Variants in OR6N1 observed in about 807,000 individuals in gnomAD.
The protein encoded by OR6N1 is olfactory receptor 6N1.
For synonymous variants in OR6N1, 170 were observed against 150.7 expected (o/e 1.13, Z -0.94); for missense variants, 394 against 371.7 (o/e 1.06, Z -0.49).
the OR6N1 span, among the ~76,000 whole-genome samples, chr1:158,784,277 C>T: frequency 6.6e-6 from 1 of 152,122 alleles, no homozygotes; most frequent in Non-Finnish European, 1.5e-5. Context: ...ATCCATCTTT[C>T]TTTTGTTTTA....
At position 158,764,491 on chromosome 1, in the gene OR6N1, T is replaced by C. The variant is rs961682134; in HGVS notation, c.*1253A>G. 3.3e-5 allele frequency: 5 copies of C among 152,036 alleles called. No homozygotes were observed. The highest frequency in any genetic ancestry group is 7.4e-5 in the Non-Finnish European group (5 of 67,958). 9.4% of individuals were successfully genotyped at this position (152,036 alleles called of 1,614,324 possible). A position where few individuals can be genotyped will look rare whatever the true frequency, so the allele number is the denominator to read the frequency against. On this transcript the variant is annotated 3_prime_UTR_variant, in exon 2 of 2. Coordinates refer to ENST00000641846, the MANE Select transcript of OR6N1 (RefSeq NM_001005185.2). ...TAGAGTTGACACTGCATCTGATATATAGTAAGAGCTAAATAAACGTGTTAA... is the reference window on the plus strand; with the variant it reads ...TAGAGTTGACACTGCATCTGATATACAGTAAGAGCTAAATAAACGTGTTAA...
intron 1 of OR6N1, among the ~76,000 whole-genome samples, chr1:158,771,153 A>G (rs1330198803): frequency 1.3e-5 from 2 of 152,138 alleles, no homozygotes; most frequent in Non-Finnish European, 2.9e-5. Context: ...CAAGTCTGTC[A>G]TTTTTTTCCC....
chr1:158,781,967 G>A, the OR6N1 span, among the ~76,000 whole-genome samples: 1 of 152,298 alleles, frequency 6.6e-6, no homozygotes, highest in South Asian at 2.1e-4. Flanking sequence ...CATCACACAA[G>A]TGCTCTACAA....
intron 1 of OR6N1, among the ~76,000 whole-genome samples, chr1:158,769,825 T>C (rs1657370471): frequency 6.6e-6 from 1 of 152,242 alleles, no homozygotes; most frequent in South Asian, 2.1e-4. Flanking sequence ...TGATTTTGCT[T>C]CAGAATAATT....
chr1:158,816,344 G>T, the OR6N1 span, among the ~76,000 whole-genome samples: 8 of 152,114 alleles, frequency 5.3e-5, no homozygotes, highest in African/African-American at 1.9e-4. Context: ...TTAGAGAACT[G>T]TGGAGATCAT....
the OR6N1 span, chr1:158,777,580 C>T: frequency 6.2e-7 from 1 of 1,614,042 alleles, no homozygotes; most frequent in Admixed American, 1.7e-5. Context: ...ATAGCCCACA[C>T]TGGCAAAGCC....
upstream of OR6N1, chr1:158,776,857 A>G: frequency 6.2e-7 from 1 of 1,614,200 alleles, no homozygotes; most frequent in Non-Finnish European, 8.5e-7. Context: ...CTTTAGCCGC[A>G]CATACATGAA....
At chr1:158,768,321 G>T (rs1657329313) in intron 1 of OR6N1, among the ~76,000 whole-genome samples, 1 of 151,972 alleles carries the variant, frequency 6.6e-6, no homozygotes, top group African/African-American at 2.4e-5. Flanking sequence ...TCTCCTCTTG[G>T]GAGTCGAAGA....
At chr1:158,835,615 TGG>T in the OR6N1 span, among the ~76,000 whole-genome samples, 1 of 38,626 alleles carries the variant, frequency 2.6e-5, no homozygotes, top group Non-Finnish European at 4.8e-5. Flanking sequence ...CTATTTTTGG[TGG>T]GGGCGGGGGG....
At chr1:158,803,653 C>T in the OR6N1 span, among the ~76,000 whole-genome samples, 1 of 152,176 alleles carries the variant, frequency 6.6e-6, no homozygotes, top group Non-Finnish European at 1.5e-5. Context: ...TAACTGTATA[C>T]CTGTATGGCT....
the OR6N1 span, among the ~76,000 whole-genome samples, chr1:158,805,597 G>C: frequency 6.6e-6 from 1 of 152,074 alleles, no homozygotes; most frequent in Non-Finnish European, 1.5e-5. Flanking sequence ...TATCTGTTGA[G>C]AAGCTCTGCG....
At chr1:158,790,456 G>T in the OR6N1 span, among the ~76,000 whole-genome samples, 3 of 149,440 alleles carry the variant, frequency 2.0e-5, no homozygotes, top group Non-Finnish European at 4.4e-5. Flanking sequence ...GCTGGATGGA[G>T]TGCAGTGGCG....
the OR6N1 span, chr1:158,796,150 C>T: frequency 6.6e-6 from 1 of 152,260 alleles, no homozygotes; most frequent in Non-Finnish European, 1.5e-5. Flanking sequence ...TCATCTCCAG[C>T]CTCAGGAACA....
At chr1:158,810,912 C>T in the OR6N1 span, among the ~76,000 whole-genome samples, 2 of 152,066 alleles carry the variant, frequency 1.3e-5, no homozygotes, top group Non-Finnish European at 2.9e-5. Flanking sequence ...ATGTGCGGTA[C>T]ATGTACAGGT....
chr1:158,777,704 C>T, the OR6N1 span: 2 of 927,808 alleles, frequency 2.2e-6, no homozygotes, highest in Admixed American at 5.1e-5. Flanking sequence ...CATGCCAAAA[C>T]TTCATTTCTC....
chr1:158,774,580 G>T (rs12402624), upstream of OR6N1: 1 of 152,076 alleles, frequency 6.6e-6, no homozygotes, highest in Non-Finnish European at 1.5e-5. Context: ...TACATTTATC[G>T]TGTGACCTAG....
the OR6N1 span, among the ~76,000 whole-genome samples, chr1:158,825,856 C>A: frequency 1.3e-5 from 2 of 152,146 alleles, no homozygotes; most frequent in Non-Finnish European, 2.9e-5. Flanking sequence ...CACAAAAGAG[C>A]AAAAGCATGG....
rs752781215 is a variant in OR6N1, at chr1:158,766,078, A to T, written c.605T>A (p.Ile202Lys). 1 of 1,614,210 alleles carries T rather than the reference A, an allele frequency of 6.2e-7. No homozygotes were observed. The highest frequency in any genetic ancestry group is 8.5e-7 in the Non-Finnish European group (1 of 1,180,034). ...GGTGGCTAGGATCTTGCAGGAATTT[A>T]TAACAAAATCTACTAGGACATTTAT... ...TSINVLVDFV[I>K]NSCKILATFL... Residue 202 changes from isoleucine (I) to lysine (K), a missense_variant, in exon 2 of 2, where the codon ATA (isoleucine) becomes AAA (lysine). Ile to Lys is a moderately radical substitution (Grantham distance 102, BLOSUM62 -3). Transcript: ENST00000641846.
chr1:158,768,537 A>G (rs1467013055), intron 1 of OR6N1, among the ~76,000 whole-genome samples: 3 of 152,150 alleles, frequency 2.0e-5, no homozygotes, highest in African/African-American at 7.2e-5. Flanking sequence ...TTGACTCCTA[A>G]CAGATCTCCC....
Sources: gnomAD v4.1 joint callset for allele counts (sites outside exome capture counted in the v4.1 genomes callset) on GRCh38, gnomAD v4.1.1 for gene constraint, MANE v1.5 for transcripts, NCBI Gene and HGNC (gene_info 2026-07-23, HGNC 2026-07-21) for gene names.